Variants in COL24A1 observed in about 807,000 individuals in gnomAD.
The protein encoded by COL24A1 is collagen alpha-1(XXIV) chain.
Under a neutral mutation model 253.9 loss-of-function variants are expected in COL24A1, and 224 were observed. The ratio of observed to expected loss-of-function variants is 0.88; its 90% CI spans 0.79 to 0.99. The LOEUF is 0.99. Ranked by LOEUF, COL24A1 falls within the 50% of genes least tolerant of loss-of-function variation. COL24A1 has a pLI of 0.00. For missense variants in COL24A1, 2,131 were observed against 2,068.5 expected (o/e 1.03, Z -0.59); for synonymous variants, 685 against 673.7 (o/e 1.02, Z -0.26).
chr1:85,992,183 C>T (rs912138533), intron 19 of COL24A1, among the ~76,000 whole-genome samples: 3 of 151,622 alleles, frequency 2.0e-5, no homozygotes, highest in Admixed American at 6.6e-5. Flanking sequence ...TTTGGTTTTT[C>T]GTCCTTGCGA....
At chr1:85,801,183 T>C (rs903491850) in intron 47 of COL24A1, among the ~76,000 whole-genome samples, 6 of 152,174 alleles carry the variant, frequency 3.9e-5, no homozygotes, top group African/African-American at 1.4e-4. Context: ...AATGTTAGAG[T>C]TCCTCACAGC....
chr1:86,099,447 T>A (rs1418325207), intron 5 of COL24A1, among the ~76,000 whole-genome samples: 1 of 152,072 alleles, frequency 6.6e-6, no homozygotes, highest in African/African-American at 2.4e-5. Flanking sequence ...AAGCCAAATA[T>A]TGACTCTTTA....
chr1:85,929,896 A>G (rs1350459572), intron 24 of COL24A1, among the ~76,000 whole-genome samples: 1 of 129,798 alleles, frequency 7.7e-6, no homozygotes, highest in Non-Finnish European at 1.6e-5. Context: ...GAGAACAAAG[A>G]CACCACATAC....
At chr1:86,143,699 G>A (rs932870484) in intron 2 of COL24A1, among the ~76,000 whole-genome samples, 1 of 151,936 alleles carries the variant, frequency 6.6e-6, no homozygotes, top group Non-Finnish European at 1.5e-5. Flanking sequence ...AAGAGTTTGG[G>A]CAGACAATAG....
intron 37 of COL24A1, among the ~76,000 whole-genome samples, chr1:85,849,899 A>C (rs189479692): frequency 3.0e-3 from 461 of 152,316 alleles, no homozygotes; most frequent in Middle Eastern, 6.8e-3. Context: ...AGTACAGAGT[A>C]TAAAATACAT....
At chr1:85,837,406 T>A (rs1676121117) in intron 43 of COL24A1, among the ~76,000 whole-genome samples, 1 of 152,240 alleles carries the variant, frequency 6.6e-6, no homozygotes, top group Non-Finnish European at 1.5e-5. Flanking sequence ...TAGTTATCTA[T>A]CTATCATCTT....
At chr1:86,132,981 G>C (rs558326365) in intron 2 of COL24A1, among the ~76,000 whole-genome samples, 1 of 150,650 alleles carries the variant, frequency 6.6e-6, no homozygotes, top group South Asian at 2.1e-4. Flanking sequence ...TCACGATATT[G>C]ATTCTTCCTA....
At chr1:86,071,028 A>C (rs1701838212) in intron 7 of COL24A1, among the ~76,000 whole-genome samples, 2 of 152,186 alleles carry the variant, frequency 1.3e-5, no homozygotes, top group Non-Finnish European at 2.9e-5. Context: ...AATAACTACA[A>C]CTTTACAAGA....
intron 47 of COL24A1, among the ~76,000 whole-genome samples, chr1:85,799,249 A>AAGAAAGAAAGAAAGAAAGAAAGAAAGAG (rs1671170198): frequency 6.8e-6 from 1 of 146,700 alleles, no homozygotes; most frequent in Non-Finnish European, 1.5e-5. Context: ...GAAAGAAAGA[A>AAGAAAGAAAGAAAGAAAGAAAGAAAGAG]AAGAAAAGAA....
At chr1:85,872,204 C>G (rs983907589) in intron 35 of COL24A1, among the ~76,000 whole-genome samples, 7 of 152,132 alleles carry the variant, frequency 4.6e-5, no homozygotes, top group Non-Finnish European at 8.8e-5. Flanking sequence ...AGGACACAAA[C>G]AAATGGAAGA....
chr1:85,871,417 C>A (rs1473378897), intron 35 of COL24A1, among the ~76,000 whole-genome samples: 2 of 152,190 alleles, frequency 1.3e-5, no homozygotes, highest in African/African-American at 4.8e-5. Flanking sequence ...AGACCAATAT[C>A]CCTGATGAAC....
At chr1:86,045,237 G>T (rs1197396021) in intron 12 of COL24A1, among the ~76,000 whole-genome samples, 1 of 152,056 alleles carries the variant, frequency 6.6e-6, no homozygotes, top group Non-Finnish European at 1.5e-5. Context: ...TGATCTGCCC[G>T]ACTCGGCCTC....
intron 24 of COL24A1, among the ~76,000 whole-genome samples, chr1:85,934,630 G>A (rs547560354): frequency 6.6e-6 from 1 of 152,258 alleles, no homozygotes; most frequent in South Asian, 2.1e-4. Flanking sequence ...GCCAGAAGAT[G>A]AACTACTATA....
At chr1:86,068,386 A>G (rs1701642091) in intron 7 of COL24A1, among the ~76,000 whole-genome samples, 1 of 152,180 alleles carries the variant, frequency 6.6e-6, no homozygotes, top group African/African-American at 2.4e-5. Context: ...GAAACTTTAC[A>G]TTGAACTCAG....
At chr1:85,942,634 A>G (rs1688859504) in intron 24 of COL24A1, among the ~76,000 whole-genome samples, 1 of 152,228 alleles carries the variant, frequency 6.6e-6, no homozygotes. Context: ...TCAAAATCAC[A>G]AAAGTTCAAA....
chr1:85,782,096 A>C (rs1027255186), intron 51 of COL24A1, among the ~76,000 whole-genome samples: 2 of 152,146 alleles, frequency 1.3e-5, no homozygotes, highest in Non-Finnish European at 2.9e-5. Context: ...GTATTGTTTT[A>C]ACTGAGATGG....
chr1:85,874,184 T>G (rs1680873678), intron 35 of COL24A1, among the ~76,000 whole-genome samples: 1 of 152,184 alleles, frequency 6.6e-6, no homozygotes, highest in South Asian at 2.1e-4. Flanking sequence ...GCATAACGTC[T>G]CAAAGCTATC....
At chr1:86,028,624 G>C (rs1698266524) in intron 14 of COL24A1, among the ~76,000 whole-genome samples, 1 of 152,184 alleles carries the variant, frequency 6.6e-6, no homozygotes, top group Non-Finnish European at 1.5e-5. Context: ...AAATTACGCA[G>C]TCTCAGGTAT....
intron 19 of COL24A1, among the ~76,000 whole-genome samples, chr1:86,010,515 G>A (rs1272471011): frequency 6.6e-6 from 1 of 152,060 alleles, no homozygotes; most frequent in African/African-American, 2.4e-5. Context: ...AATGTTGATT[G>A]GAATGCAATT....
Sources: allele counts gnomAD v4.1 joint callset (sites outside exome capture counted in the v4.1 genomes callset), GRCh38; gene constraint gnomAD v4.1.1; transcripts MANE v1.5; gene names NCBI Gene and HGNC (gene_info 2026-07-23, HGNC 2026-07-21).